Variants in CD8B2 observed in about 807,000 individuals in gnomAD.
CD8B2 encodes T-cell surface glycoprotein CD8 beta-2 chain.
In CD8B2, 11 loss-of-function variants were observed where a neutral mutation model predicts 23.7. The observed-to-expected ratio is 0.46, with a 90% confidence interval of 0.29 to 0.77. The LOEUF (loss-of-function observed/expected upper bound fraction) is 0.77, where lower values mean the gene tolerates loss of function less well. CD8B2 is among the 30% of genes least tolerant of loss of function. The pLI is 0.09. For missense variants in CD8B2, 197 were observed against 270.5 expected, an observed-to-expected ratio of 0.73 and a Z score of 1.91; for synonymous variants, 90 against 109.3, an observed-to-expected ratio of 0.82 and a Z score of 1.10.
intron 2 of CD8B2, among the ~76,000 whole-genome samples, chr2:106,494,062 GT>G (rs1419155020): frequency 6.6e-6 from 1 of 152,134 alleles, no homozygotes; most frequent in Non-Finnish European, 1.5e-5. Flanking sequence ...GAGGTGAGGG[GT>G]TAAAATGTCT....
At chr2:106,518,671 C>T (rs1452116517) in intron 5 of CD8B2, among the ~76,000 whole-genome samples, 1 of 152,074 alleles carries the variant, frequency 6.6e-6, no homozygotes, top group African/African-American at 2.4e-5. Flanking sequence ...TCCATGTATC[C>T]ATTCACCATC....
At chr2:106,533,159 C>G (rs1680016109) in intron 5 of CD8B2, among the ~76,000 whole-genome samples, 1 of 152,206 alleles carries the variant, frequency 6.6e-6, no homozygotes, top group Non-Finnish European at 1.5e-5. Flanking sequence ...AAATGTGCAC[C>G]TGTGGTCCCA....
In CD8B2 at chr2:106,508,504, T is replaced by C. The variant is rs1186515367; in HGVS notation, c.*1564T>C. 2 of 152,046 alleles carry C rather than the reference T, an allele frequency of 1.3e-5. No homozygotes were observed. The highest frequency in any genetic ancestry group is 2.9e-5 in the Non-Finnish European group (2 of 68,010). 9.4% of individuals were successfully genotyped at this position (152,046 alleles called of 1,614,324 possible). On this transcript the variant is annotated 3_prime_UTR_variant, in exon 6 of 6. Coordinates refer to ENST00000643224, the MANE Select transcript of CD8B2 (RefSeq NM_001349727.2). Reference sequence around the variant, plus strand: ...CTTGAGTGTAAGTTGTCCAGGTCCTTGGCATTTTGAACAAAGAACTGAACA... The same window carrying C: ...CTTGAGTGTAAGTTGTCCAGGTCCTCGGCATTTTGAACAAAGAACTGAACA...
At chr2:106,519,673 C>T (rs975418264) in intron 5 of CD8B2, among the ~76,000 whole-genome samples, 3 of 152,328 alleles carry the variant, frequency 2.0e-5, no homozygotes, top group African/African-American at 4.8e-5. Context: ...CGTCCACCTT[C>T]GTGTAACACA....
downstream of CD8B2, among the ~76,000 whole-genome samples, chr2:106,512,019 T>TTTTC (rs1679641765): frequency 6.6e-6 from 1 of 152,214 alleles, no homozygotes; most frequent in Non-Finnish European, 1.5e-5. Flanking sequence ...CGAGTACCCT[T>TTTTC]TTAAGAGCTT....
At chr2:106,517,296 C>G (rs1256394037) in intron 5 of CD8B2, among the ~76,000 whole-genome samples, 1 of 152,058 alleles carries the variant, frequency 6.6e-6, no homozygotes, top group Non-Finnish European at 1.5e-5. Context: ...TTGACATCCT[C>G]TCTATTCGGG....
intron 1 of CD8B2, among the ~76,000 whole-genome samples, chr2:106,490,380 A>G (rs371379824): frequency 6.6e-6 from 1 of 152,152 alleles, no homozygotes. Flanking sequence ...TCCTGGATCT[A>G]TCCTTTTGTG....
chr2:106,511,526 T>C (rs1426415720), downstream of CD8B2, among the ~76,000 whole-genome samples: 1 of 121,922 alleles, frequency 8.2e-6, no homozygotes, highest in East Asian at 2.6e-4. Context: ...AGAAGGGGGG[T>C]CCTACACCAC....
intron 5 of CD8B2, among the ~76,000 whole-genome samples, chr2:106,540,100 G>C (rs190371508): frequency 3.3e-5 from 5 of 152,062 alleles, no homozygotes; most frequent in African/African-American, 1.2e-4. Flanking sequence ...TTGTTATGTG[G>C]AATGATTTCC....
At chr2:106,531,570 T>C (rs953087640) in intron 5 of CD8B2, among the ~76,000 whole-genome samples, 1 of 151,968 alleles carries the variant, frequency 6.6e-6, no homozygotes, top group African/African-American at 2.4e-5. Context: ...GCAGGCTGAG[T>C]CCCTAGGGCC....
chr2:106,491,831 G>T (rs1464684237), intron 2 of CD8B2, among the ~76,000 whole-genome samples: 1 of 152,180 alleles, frequency 6.6e-6, no homozygotes. Context: ...TTACAGGCGT[G>T]AGCCACCGTG....
intron 5 of CD8B2, 107 bp downstream of exon 5, chr2:106,504,432 A>G: frequency 1.3e-6 from 2 of 1,542,224 alleles, no homozygotes; most frequent in Non-Finnish European, 1.8e-6. Flanking sequence ...TCCAAAGATC[A>G]TAGACTCGGC....
intron 4 of CD8B2, among the ~76,000 whole-genome samples, chr2:106,503,713 C>CG (rs746471714): frequency 6.6e-6 from 1 of 151,412 alleles, no homozygotes; most frequent in Non-Finnish European, 1.5e-5. Flanking sequence ...GAGGGAGGAT[C>CG]ACTTGAGCCC....
intron 5 of CD8B2, among the ~76,000 whole-genome samples, chr2:106,519,435 C>T (rs1205757923): frequency 2.6e-5 from 4 of 152,228 alleles, no homozygotes; most frequent in African/African-American, 9.6e-5. Flanking sequence ...CATAACATCA[C>T]TGAACCAGGC....
chr2:106,499,055 A>G (rs771167012), intron 3 of CD8B2, among the ~76,000 whole-genome samples: 5 of 152,080 alleles, frequency 3.3e-5, no homozygotes, highest in Non-Finnish European at 5.9e-5. Context: ...TTACCCAAGC[A>G]CGTTATTTGC....
intron 5 of CD8B2, among the ~76,000 whole-genome samples, chr2:106,520,983 C>G (rs1239232877): frequency 9.9e-6 from 1 of 100,594 alleles, no homozygotes; most frequent in African/African-American, 3.9e-5. Flanking sequence ...AACTCTCTCT[C>G]TAAGAAAAAA....
intron 5 of CD8B2, chr2:106,543,165 G>C (rs1280619503): frequency 6.6e-6 from 1 of 152,102 alleles, no homozygotes; most frequent in Non-Finnish European, 1.5e-5. Flanking sequence ...TTTGTATCCC[G>C]ACCGCCGGGA....
intron 5 of CD8B2, among the ~76,000 whole-genome samples, chr2:106,541,424 G>T (rs1680172146): frequency 6.6e-6 from 1 of 152,156 alleles, no homozygotes; most frequent in Non-Finnish European, 1.5e-5. Flanking sequence ...ATTTGACAAT[G>T]TCCAGGCACA....
intron 5 of CD8B2, among the ~76,000 whole-genome samples, chr2:106,506,361 G>C (rs58433937): frequency 0.032 from 4,824 of 152,070 alleles, 95 homozygotes; most frequent in African/African-American, 0.039. Flanking sequence ...GGGTGGTCGT[G>C]GGGGGACCCT....
Sources: allele counts gnomAD v4.1 joint callset (sites outside exome capture counted in the v4.1 genomes callset), GRCh38; gene constraint gnomAD v4.1.1; transcripts MANE v1.5; gene names NCBI Gene and HGNC (gene_info 2026-07-23, HGNC 2026-07-21).